The following FPR3 variants were observed in gnomAD, a reference collection of about 807,000 sequenced individuals.
FPR3 encodes the protein formyl peptide receptor 3.
For synonymous variants in FPR3, 135 were observed against 163.6 expected (o/e 0.83, Z 1.34); for missense variants, 346 against 443.2 (o/e 0.78, Z 1.97).
chr19:51,815,054 C>T (rs944067119), intron 1 of FPR3, among the ~76,000 whole-genome samples: 2 of 152,136 alleles, frequency 1.3e-5, no homozygotes, highest in African/African-American at 4.8e-5. Flanking sequence ...AAATGATCCG[C>T]CCACCTCGGC....
chr19:51,811,761 T>C (rs2084098316), intron 1 of FPR3: 1 of 151,066 alleles, frequency 6.6e-6, no homozygotes, highest in Non-Finnish European at 1.5e-5. Flanking sequence ...ACCTTGCCTC[T>C]AGTGGACAAG....
chr19:51,808,166 A>G (rs193070916), intron 1 of FPR3, among the ~76,000 whole-genome samples: 41 of 152,320 alleles, frequency 2.7e-4, no homozygotes, highest in Middle Eastern at 3.4e-3. Flanking sequence ...GGGTTTGGTA[A>G]ATATGTGTAA....
At chr19:51,819,966 T>A (rs1437207106) in intron 1 of FPR3, among the ~76,000 whole-genome samples, 1 of 151,958 alleles carries the variant, frequency 6.6e-6, no homozygotes, top group African/African-American at 2.4e-5. Context: ...GGAAAGCAAA[T>A]GTAAAGAGGG....
chr19:51,822,487 G>A (rs527751388), intron 1 of FPR3, among the ~76,000 whole-genome samples: 1 of 152,254 alleles, frequency 6.6e-6, no homozygotes, highest in East Asian at 1.9e-4. Flanking sequence ...GTTGCATAGA[G>A]AAAGGGCTTA....
chr19:51,818,812 G>A (rs1335621733), intron 1 of FPR3, among the ~76,000 whole-genome samples: 1 of 152,172 alleles, frequency 6.6e-6, no homozygotes, highest in African/African-American at 2.4e-5. Context: ...ATCTCAGGGT[G>A]CTTGAGAAGT....
At chr19:51,803,865 A>C (rs1157110628) in intron 1 of FPR3, 1 of 152,098 alleles carries the variant, frequency 6.6e-6, no homozygotes, top group African/African-American at 2.4e-5. Context: ...TCTTTTCCTC[A>C]TTAGGAGTTT....
intron 1 of FPR3, among the ~76,000 whole-genome samples, chr19:51,798,903 C>G (rs375326693): frequency 8.1e-4 from 123 of 152,022 alleles, no homozygotes; most frequent in African/African-American, 2.7e-3. Context: ...CTTTGGGAGG[C>G]CGAGGAGTTC....
At chr19:51,815,196 A>G (rs1389121479) in intron 1 of FPR3, among the ~76,000 whole-genome samples, 1 of 152,140 alleles carries the variant, frequency 6.6e-6, no homozygotes, top group Admixed American at 6.5e-5. Context: ...TCAAGTGACT[A>G]GAGGGTTGGA....
At chr19:51,797,404 A>G (rs1568425975) in intron 1 of FPR3, among the ~76,000 whole-genome samples, 1 of 152,192 alleles carries the variant, frequency 6.6e-6, no homozygotes, top group Non-Finnish European at 1.5e-5. Context: ...AATATGCTTC[A>G]AAGGAGGTTT....
At chr19:51,820,521 T>C (rs1380786078) in intron 1 of FPR3, among the ~76,000 whole-genome samples, 1 of 152,212 alleles carries the variant, frequency 6.6e-6, no homozygotes, top group Non-Finnish European at 1.5e-5. Flanking sequence ...ATCCAAAATT[T>C]TACAACATTG....
chr19:51,824,879 T>A lies in FPR3; in HGVS notation c.*69T>A, dbSNP rs1037290699. On this transcript the variant is annotated 3_prime_UTR_variant, in exon 2 of 2. Coordinates refer to ENST00000339223, the MANE Select transcript of FPR3 (RefSeq NM_002030.5). The surrounding 1 kb of genome is among the most constrained non-coding windows in gnomAD (Gnocchi z 4.7). ...AAGCGGAAAAAAAAAATTCTGACAG[T>A]GTTTTTCTTCCTCTTTCATACCACC... The A allele has an allele frequency of 4.0e-6, 5 of 1,259,174 alleles. No individual in the cohort carries two copies. Among genetic ancestry groups the A allele is most frequent in the Non-Finnish European group, 5.5e-6 (5 of 915,898 alleles). The allele number at this position is 1,259,174 out of a possible 1,614,324, so 78.0% of individuals were successfully genotyped here. A position where few individuals can be genotyped will look rare whatever the true frequency, so the allele number is the denominator to read the frequency against.
chr19:51,800,008 G>C (rs1050702464), intron 1 of FPR3, among the ~76,000 whole-genome samples: 4 of 152,242 alleles, frequency 2.6e-5, no homozygotes, highest in Non-Finnish European at 5.9e-5. Flanking sequence ...GGGCCACCAG[G>C]CTCCTGGGGA....
rs922564216 is a variant in FPR3, at chr19:51,824,100, A to G, written c.352A>G (p.Ile118Val). Reference protein sequence around the residue: ...NLFVSVYLITIIALDRCICVL... With the variant: ...NLFVSVYLITVIALDRCICVL... ...GTTTGTCAGTGTCTACCTGATCACC[A>G]TCATTGCTCTGGACCGCTGTATTTG... Residue 118 changes from isoleucine (I) to valine (V), a missense_variant, in exon 2 of 2, where the codon ATC becomes GTC. Ile to Val is a conservative substitution (Grantham distance 29). Transcript: ENST00000339223. This position sits in a 1 kb window ranked among gnomAD's most constrained non-coding sequence, Gnocchi z 4.7. The G allele has an allele frequency of 1.4e-5, 23 of 1,613,972 alleles. 1 individual carries two copies. Among genetic ancestry groups the G allele is most frequent in the South Asian group, 7.7e-5 (7 of 91,070 alleles).
rs577887050 is a variant in FPR3, at chr19:51,809,865, G to A, written c.-10-13874G>A. Among the ~76,000 whole-genome samples, 30 of 152,270 alleles carry A rather than the reference G, an allele frequency of 2.0e-4. 1 individual carries two copies. In the South Asian group the frequency reaches 2.9e-3, roughly 15 times the overall value. The stretch of plus-strand genomic sequence containing the variant: ...GCCTCTGGGAACCCATGCCTGGAAC[G>A]GGGTTGAGGTCTGGACTGGGAATGC... On this transcript the variant is annotated intron_variant, in intron 1 of 1. Coordinates refer to ENST00000339223, the MANE Select transcript of FPR3 (RefSeq NM_002030.5).
chr19:51,805,263 A>C (rs1217030332), intron 1 of FPR3: 3 of 152,230 alleles, frequency 2.0e-5, no homozygotes, highest in African/African-American at 7.2e-5. Flanking sequence ...GACTATAAAC[A>C]GAAGACAGAG....
At chr19:51,822,438 T>C (rs940362863) in intron 1 of FPR3, among the ~76,000 whole-genome samples, 1 of 152,048 alleles carries the variant, frequency 6.6e-6, no homozygotes, top group Non-Finnish European at 1.5e-5. Flanking sequence ...CAGTTATTTG[T>C]GGGGGGAGGG....
At chr19:51,808,097 T>C (rs2084072512) in intron 1 of FPR3, among the ~76,000 whole-genome samples, 1 of 152,252 alleles carries the variant, frequency 6.6e-6, no homozygotes, top group Non-Finnish European at 1.5e-5. Flanking sequence ...CTACAAGCTG[T>C]AATTTGGCTT....
intron 1 of FPR3, among the ~76,000 whole-genome samples, chr19:51,808,683 A>G (rs1239406505): frequency 6.6e-6 from 1 of 152,218 alleles, no homozygotes; most frequent in African/African-American, 2.4e-5. Context: ...AAGATCTATT[A>G]CTACAAGAGG....
intron 1 of FPR3, among the ~76,000 whole-genome samples, chr19:51,808,202 C>T (rs1454907827): frequency 1.3e-5 from 2 of 152,184 alleles, no homozygotes; most frequent in African/African-American, 2.4e-5. Flanking sequence ...TACCTAACAT[C>T]GGTCATGGCC....
Sources: gnomAD v4.1 joint callset for allele counts (sites outside exome capture counted in the v4.1 genomes callset) on GRCh38, gnomAD v4.1.1 for gene constraint, Gnocchi (gnomAD v3.1) non-coding constraint, MANE v1.5 for transcripts, NCBI Gene and HGNC (gene_info 2026-07-23, HGNC 2026-07-21) for gene names.